GRID2: variants seen among roughly 807,000 people sequenced by gnomAD.
GRID2 encodes glutamate receptor ionotropic, delta-2.
GRID2 carries 33 observed loss-of-function variants against 114.8 expected under a neutral mutation model. That is an observed-to-expected ratio of 0.29 (90% CI 0.22 to 0.38). The LOEUF is 0.38. Ranked by LOEUF, GRID2 falls within the 10% of genes least tolerant of loss-of-function variation. The pLI, the probability that GRID2 is intolerant of heterozygous loss-of-function variation, is 1.00. For synonymous variants in GRID2, 505 were observed against 449.9 expected, an observed-to-expected ratio of 1.12 and a Z score of -1.55; for missense variants, 1,184 against 1,257.7, an observed-to-expected ratio of 0.94 and a Z score of 0.89.
chr4:93,017,709 G>A (rs1326284896), intron 2 of GRID2, among the ~76,000 whole-genome samples: 5 of 151,116 alleles, frequency 3.3e-5, no homozygotes, highest in African/African-American at 1.2e-4. Flanking sequence ...AGGAGGCTGA[G>A]GCTTGAACCC....
In GRID2 at chr4:93,030,691, G is replaced by A. The variant is rs916112135; in HGVS notation, c.245-54304G>A. Among the ~76,000 whole-genome samples the A allele has an allele frequency of 2.0e-5, 3 of 151,848 alleles. No homozygotes were observed. In the East Asian group the frequency reaches 5.9e-4, roughly 30 times the overall value. ...TGAGACACCACGCCCAGCTAGAGCT[G>A]CATCTTTCAAGACCGTAATAGCATC... On this transcript the variant is annotated intron_variant, in intron 2 of 15. Transcript: ENST00000282020.
chr4:93,376,443 G>GA (rs549382151), intron 8 of GRID2, among the ~76,000 whole-genome samples: 1,565 of 144,692 alleles, frequency 0.011, 12 homozygotes, highest in Non-Finnish European at 0.015. Context: ...GGAAACTACA[G>GA]AAAAAAAAAA....
chr4:93,200,528 T>A (rs1402034826), intron 4 of GRID2, among the ~76,000 whole-genome samples: 17 of 151,712 alleles, frequency 1.1e-4, no homozygotes, highest in Non-Finnish European at 2.4e-4. Context: ...ATCGCGCCAC[T>A]GCACTCCAGC....
chr4:93,108,698 T>G (rs557641448), intron 3 of GRID2, among the ~76,000 whole-genome samples: 4 of 151,678 alleles, frequency 2.6e-5, no homozygotes, highest in Admixed American at 6.6e-5. Context: ...TGGCATGATC[T>G]CGGTTCACTG....
At chr4:92,411,651 G>GTATATATATATA (rs1365702947) in intron 1 of GRID2, among the ~76,000 whole-genome samples, 80 of 96,312 alleles carry the variant, frequency 8.3e-4, no homozygotes, top group South Asian at 2.6e-3. Context: ...GTGTGTGTGT[G>GTATATATATATA]TGTGTATATA....
chr4:92,336,959 T>TTG (rs1553925064), intron 1 of GRID2, among the ~76,000 whole-genome samples: 3 of 148,688 alleles, frequency 2.0e-5, no homozygotes, highest in Admixed American at 6.7e-5. Flanking sequence ...TTGTTGTTTT[T>TTG]TTTTTTTTTT....
chr4:92,775,327 A>G (rs1274439919), intron 2 of GRID2, among the ~76,000 whole-genome samples: 2 of 152,164 alleles, frequency 1.3e-5, no homozygotes, highest in Non-Finnish European at 2.9e-5. Context: ...TTGACTGTTG[A>G]CTACTGTTTC....
chr4:93,312,167 C>T (rs1426385732), intron 8 of GRID2, among the ~76,000 whole-genome samples: 1 of 152,088 alleles, frequency 6.6e-6, no homozygotes, highest in East Asian at 1.9e-4. Context: ...AAACAGCAGG[C>T]ACAGACCATG....
At chr4:93,519,334 T>C (rs1730113756) in intron 13 of GRID2, among the ~76,000 whole-genome samples, 1 of 152,152 alleles carries the variant, frequency 6.6e-6, no homozygotes, top group Admixed American at 6.6e-5. Context: ...TCAGCAACAT[T>C]CTGAAATTAC....
chr4:92,866,556 T>TC (rs1286861890), intron 2 of GRID2, among the ~76,000 whole-genome samples: 1 of 151,912 alleles, frequency 6.6e-6, no homozygotes, highest in East Asian at 1.9e-4. Context: ...TTTTTTTTTT[T>TC]CTTCTGAGAT....
At chr4:93,198,579 G>A (rs1741744590) in intron 4 of GRID2, among the ~76,000 whole-genome samples, 1 of 152,106 alleles carries the variant, frequency 6.6e-6, no homozygotes, top group African/African-American at 2.4e-5. Context: ...AGTTATCTAC[G>A]ATTTCATTAA....
chr4:93,666,302 G>T (rs1226555475), intron 14 of GRID2, among the ~76,000 whole-genome samples: 1 of 151,938 alleles, frequency 6.6e-6, no homozygotes, highest in Non-Finnish European at 1.5e-5. Context: ...TTGGTCCTGA[G>T]AATGCAGCAT....
chr4:92,885,787 A>T (rs1202833714), intron 2 of GRID2, among the ~76,000 whole-genome samples: 1 of 152,162 alleles, frequency 6.6e-6, no homozygotes. Context: ...GATTTACTTA[A>T]TTTGTGCACT....
At chr4:93,400,657 T>G (rs1765792617) in intron 9 of GRID2, among the ~76,000 whole-genome samples, 1 of 152,116 alleles carries the variant, frequency 6.6e-6, no homozygotes, top group South Asian at 2.1e-4. Context: ...GAAGCTATGC[T>G]GCAACAAGTA....
Position 92,304,565 on chromosome 4 carries a change from A to C in GRID2, c.-92A>C. Reference sequence around the variant, plus strand: ...TTAGAAAAAAAGAAAAAGCTGCGCTAAACTCCACCGTGACCTCAAACTCTT... The same window carrying C: ...TTAGAAAAAAAGAAAAAGCTGCGCTCAACTCCACCGTGACCTCAAACTCTT... On this transcript the variant is annotated 5_prime_UTR_variant, in exon 1 of 16. Coordinates refer to ENST00000282020, the MANE Select transcript of GRID2 (RefSeq NM_001510.4). 1.2e-6 allele frequency: 1 copy of C among 822,568 alleles called. No individual in the cohort carries two copies. 51.0% of individuals were successfully genotyped at this position (822,568 alleles called of 1,614,324 possible).
intron 2 of GRID2, among the ~76,000 whole-genome samples, chr4:93,067,432 A>G (rs1159362403): frequency 5.3e-5 from 8 of 152,022 alleles, no homozygotes; most frequent in Admixed American, 5.3e-4. Flanking sequence ...ATGTTCTGTT[A>G]TGGTGGAAGG....
chr4:93,516,732 G>T (rs1729769181), intron 13 of GRID2, among the ~76,000 whole-genome samples: 1 of 151,990 alleles, frequency 6.6e-6, no homozygotes. Context: ...ACATTTTAAG[G>T]CTTACTGGGT....
intron 8 of GRID2, among the ~76,000 whole-genome samples, chr4:93,282,828 G>T (rs1429233466): frequency 6.6e-6 from 1 of 151,962 alleles, no homozygotes; most frequent in Non-Finnish European, 1.5e-5. Flanking sequence ...AGGGGCTCAG[G>T]AAGTTTACCA....
chr4:92,975,156 C>CAAAAAAAAACAAAAAAA (rs1753785764), intron 2 of GRID2, among the ~76,000 whole-genome samples: 1 of 46,692 alleles, frequency 2.1e-5, no homozygotes, highest in African/African-American at 9.8e-5. Context: ...GATTCCGCCT[C>CAAAAAAAAACAAAAAAA]AAAAAAAAAA....
Sources: gnomAD v4.1 joint callset for allele counts (sites outside exome capture counted in the v4.1 genomes callset) on GRCh38, gnomAD v4.1.1 for gene constraint, MANE v1.5 for transcripts, NCBI Gene and HGNC (gene_info 2026-07-23, HGNC 2026-07-21) for gene names.